The following ZNF385D variants were observed in gnomAD, a reference collection of about 807,000 sequenced individuals.
The protein encoded by ZNF385D is zinc finger protein 385D.
Under a neutral mutation model 35.8 loss-of-function variants are expected in ZNF385D, and 15 were observed. The observed-to-expected ratio is 0.42, with a 90% CI of 0.28 to 0.64. The LOEUF is 0.64. Among genes scored for constraint, ZNF385D ranks in the 30% least tolerant of loss-of-function variants. ZNF385D has a pLI of 0.23. For synonymous variants in ZNF385D, 212 were observed against 186.8 expected (o/e 1.13, Z -1.10); for missense variants, 474 against 494.6 (o/e 0.96, Z 0.39).
At chr3:22,087,149 A>G (rs1231423089) in intron 3 of ZNF385D, among the ~76,000 whole-genome samples, 1 of 152,178 alleles carries the variant, frequency 6.6e-6, no homozygotes, top group Admixed American at 6.6e-5. Context: ...ATCTTTTTTG[A>G]AACAGCATTA....
chr3:21,445,815 A>C (rs374830480), intron 4 of ZNF385D, among the ~76,000 whole-genome samples: 1 of 152,186 alleles, frequency 6.6e-6, no homozygotes, highest in African/African-American at 2.4e-5. Flanking sequence ...GAAAATTGGC[A>C]TAGCAATAAA....
chr3:22,126,283 C>T (rs1703421807), intron 3 of ZNF385D, among the ~76,000 whole-genome samples: 1 of 144,622 alleles, frequency 6.9e-6, no homozygotes, highest in Admixed American at 6.9e-5. Context: ...ATTTAAGATG[C>T]ATCATTAGGT....
chr3:22,107,042 T>TTTTTTTTTTTTTTTTTTTTTTTTTTTTTA (rs10688533), intron 3 of ZNF385D, among the ~76,000 whole-genome samples: 1 of 149,388 alleles, frequency 6.7e-6, no homozygotes, highest in Non-Finnish European at 1.5e-5. Flanking sequence ...TTTTTTTTTT[T>TTTTTTTTTTTTTTTTTTTTTTTTTTTTTA]AGACAGAGTT....
At chr3:21,562,758 T>C (rs2062996948) in intron 3 of ZNF385D, among the ~76,000 whole-genome samples, 1 of 152,190 alleles carries the variant, frequency 6.6e-6, no homozygotes, top group African/African-American at 2.4e-5. Context: ...ATATAATTGT[T>C]TGCTGAGTGT....
intron 3 of ZNF385D, among the ~76,000 whole-genome samples, chr3:21,821,023 A>G (rs2073371989): frequency 6.6e-6 from 1 of 152,074 alleles, no homozygotes; most frequent in African/African-American, 2.4e-5. Context: ...AATACACTAA[A>G]TGGAGTCAAT....
At chr3:22,267,497 G>A (rs1462206297) in intron 2 of ZNF385D, among the ~76,000 whole-genome samples, 2 of 151,724 alleles carry the variant, frequency 1.3e-5, no homozygotes, top group African/African-American at 4.8e-5. Context: ...TGGGTATTCT[G>A]CTTTCATAAA....
intron 3 of ZNF385D, among the ~76,000 whole-genome samples, chr3:21,973,587 A>G (rs1247415694): frequency 6.6e-6 from 1 of 152,032 alleles, no homozygotes; most frequent in Non-Finnish European, 1.5e-5. Context: ...GAGAAGAGAA[A>G]GAAATAAAGG....
intron 2 of ZNF385D, among the ~76,000 whole-genome samples, chr3:22,237,248 G>A (rs1352966634): frequency 6.6e-6 from 1 of 151,872 alleles, no homozygotes; most frequent in Non-Finnish European, 1.5e-5. Flanking sequence ...TTTTATAATA[G>A]TACTGACTTC....
At chr3:21,829,434 T>C (rs970431303) in intron 3 of ZNF385D, among the ~76,000 whole-genome samples, 6 of 152,094 alleles carry the variant, frequency 3.9e-5, no homozygotes, top group African/African-American at 9.7e-5. Context: ...GCCATTGTAG[T>C]AGTGGCTTAG....
intron 3 of ZNF385D, among the ~76,000 whole-genome samples, chr3:21,563,583 C>G (rs138768972): frequency 1.3e-5 from 2 of 152,194 alleles, no homozygotes; most frequent in East Asian, 3.9e-4. Flanking sequence ...ATCCTATCTT[C>G]GTCACCAGAG....
intron 3 of ZNF385D, among the ~76,000 whole-genome samples, chr3:21,519,672 C>A (rs539686082): frequency 6.6e-6 from 1 of 152,224 alleles, no homozygotes; most frequent in Non-Finnish European, 1.5e-5. Context: ...CTTTTTGGAG[C>A]TTTTTGTAAA....
At chr3:21,624,769 G>C (rs1382911845) in intron 2 of ZNF385D, among the ~76,000 whole-genome samples, 1 of 152,062 alleles carries the variant, frequency 6.6e-6, no homozygotes, top group Non-Finnish European at 1.5e-5. Flanking sequence ...CTGAATCCTG[G>C]AAGGTGAGGA....
intron 2 of ZNF385D, among the ~76,000 whole-genome samples, chr3:22,283,664 A>G (rs1175961497): frequency 6.6e-6 from 1 of 152,154 alleles, no homozygotes; most frequent in Non-Finnish European, 1.5e-5. Context: ...ATCTGAAATC[A>G]CGGGTAATAG....
intron 5 of ZNF385D, among the ~76,000 whole-genome samples, chr3:21,430,542 T>C (rs757929833): frequency 2.0e-5 from 3 of 152,076 alleles, no homozygotes; most frequent in Non-Finnish European, 4.4e-5. Flanking sequence ...TATCTGATAG[T>C]GGAGACAAAT....
intron 2 of ZNF385D, among the ~76,000 whole-genome samples, chr3:21,633,476 G>GA (rs899449535): frequency 3.9e-5 from 6 of 152,018 alleles, no homozygotes; most frequent in Admixed American, 3.9e-4. Context: ...TAGGACAAGA[G>GA]AAAAAAACCT....
intron 3 of ZNF385D, among the ~76,000 whole-genome samples, chr3:21,818,448 C>A (rs1314416771): frequency 6.6e-6 from 1 of 152,114 alleles, no homozygotes; most frequent in Non-Finnish European, 1.5e-5. Context: ...GAAATCTGAA[C>A]ACTAACTGGT....
chr3:21,493,555 G>A (rs533943264), intron 4 of ZNF385D, among the ~76,000 whole-genome samples: 2 of 152,018 alleles, frequency 1.3e-5, no homozygotes, highest in Non-Finnish European at 1.5e-5. Context: ...ACTATATACT[G>A]ATCTAAAATG....
At chr3:22,283,457 A>G (rs895900181) in intron 2 of ZNF385D, among the ~76,000 whole-genome samples, 1 of 152,180 alleles carries the variant, frequency 6.6e-6, no homozygotes, top group African/African-American at 2.4e-5. Context: ...TCAGATATGT[A>G]AGCAGATGTC....
intron 1 of ZNF385D, among the ~76,000 whole-genome samples, chr3:21,665,646 C>A (rs2066382586): frequency 6.6e-6 from 1 of 152,156 alleles, no homozygotes; most frequent in African/African-American, 2.4e-5. Context: ...CAACTCCCTG[C>A]CTCCCTCCCA....
Sources: gnomAD v4.1 joint callset for allele counts (sites outside exome capture counted in the v4.1 genomes callset) on GRCh38, gnomAD v4.1.1 for gene constraint, MANE v1.5 for transcripts, NCBI Gene and HGNC (gene_info 2026-07-23, HGNC 2026-07-21) for gene names.